Variants in SBF2 observed in about 807,000 individuals in gnomAD.
SBF2 encodes SET binding factor 2, also known as myotubularin-related protein 13.
In SBF2, 112 loss-of-function variants were observed where a neutral mutation model predicts 225.2. The observed-to-expected ratio is 0.50, with a 90% CI of 0.43 to 0.58. The LOEUF (loss-of-function observed/expected upper bound fraction) is 0.58, where lower values mean the gene tolerates loss of function less well. Among genes scored for constraint, SBF2 ranks in the 20% least tolerant of loss-of-function variants. The pLI, the probability that SBF2 is intolerant of heterozygous loss-of-function variation, is 0.00. For missense variants in SBF2, 1,996 were observed against 2,206.2 expected (o/e 0.90, Z 1.91); for synonymous variants, 763 against 773.3 (o/e 0.99, Z 0.22).
intron 2 of SBF2, among the ~76,000 whole-genome samples, chr11:10,178,344 G>A (rs1956563343): frequency 6.7e-6 from 1 of 148,652 alleles, no homozygotes; most frequent in Admixed American, 6.8e-5. Flanking sequence ...TTGACAAATG[G>A]GACCTCATTA....
intron 1 of SBF2, among the ~76,000 whole-genome samples, chr11:10,249,379 T>C (rs548993466): frequency 1.3e-5 from 2 of 152,246 alleles, no homozygotes; most frequent in East Asian, 1.9e-4. Context: ...GAGTGAAATA[T>C]GGCTTTCTCG....
intron 2 of SBF2, among the ~76,000 whole-genome samples, chr11:10,130,047 A>G (rs1336656973): frequency 1.3e-5 from 2 of 151,988 alleles, no homozygotes; most frequent in Admixed American, 1.3e-4. Flanking sequence ...AAGGGACTGG[A>G]AAACTTAAAA....
chr11:10,036,429 T>C lies in SBF2; in HGVS notation c.280-5259A>G, dbSNP rs139223249. Among the ~76,000 whole-genome samples, 936 of 152,244 alleles carry C rather than the reference T, an allele frequency of 6.1e-3. 5 individuals carry two copies. The highest frequency in any genetic ancestry group is 0.02 in the Middle Eastern group (6 of 294). On this transcript the variant is annotated intron_variant, in intron 3 of 39. Transcript: ENST00000256190. ...AGTATACTTAAAAAAAATAAAAGTA[T>C]ACTTTATTCAGAAGATGACTTGCAA...
rs771273917 is a variant in SBF2, at chr11:10,193,981, C to A, written c.62G>T (p.Gly21Val). ...VGYDHEKPGSGEGLGKIIQRF... is the reference protein window; with the variant it reads ...VGYDHEKPGSVEGLGKIIQRF... The stretch of plus-strand genomic sequence containing the variant: ...CTGGATTATTTTCCCCAGACCTTCT[C>A]CTGATCCTGTTAATAAAATCAAAGT... Residue 21 changes from glycine (G) to valine (V), a missense_variant, in exon 2 of 40, where the codon GGA (glycine) becomes GTA (valine). By Grantham distance (109) the Gly-to-Val change is moderately radical. Transcript: ENST00000256190. The A allele has an allele frequency of 5.6e-6, 9 of 1,605,844 alleles. No homozygotes were observed. The highest frequency in any genetic ancestry group is 7.7e-6 in the Non-Finnish European group (9 of 1,172,694).
chr11:9,893,987 T>C (rs942566791), intron 17 of SBF2, among the ~76,000 whole-genome samples: 2 of 152,208 alleles, frequency 1.3e-5, no homozygotes, highest in Non-Finnish European at 2.9e-5. Flanking sequence ...GGCTCACCAC[T>C]GTAATCGCAG....
intron 1 of SBF2, among the ~76,000 whole-genome samples, chr11:10,225,328 C>A (rs545161908): frequency 1.3e-5 from 2 of 150,668 alleles, no homozygotes; most frequent in East Asian, 1.9e-4. Context: ...AAAAAAGACA[C>A]AAGTGGAACA....
chr11:10,056,883 G>A (rs757668647), intron 2 of SBF2, among the ~76,000 whole-genome samples: 2 of 152,170 alleles, frequency 1.3e-5, no homozygotes, highest in African/African-American at 2.4e-5. Context: ...GGGCTGAAAT[G>A]GACCCCAGCA....
intron 2 of SBF2, among the ~76,000 whole-genome samples, chr11:10,186,787 C>G (rs1956948119): frequency 1.3e-5 from 2 of 152,186 alleles, no homozygotes; most frequent in Admixed American, 1.3e-4. Context: ...AACCCAAGAG[C>G]CATCTCACTG....
intron 32 of SBF2, among the ~76,000 whole-genome samples, chr11:9,804,148 A>G (rs1853653034): frequency 6.6e-6 from 1 of 152,190 alleles, no homozygotes; most frequent in African/African-American, 2.4e-5. Context: ...CAAACAAACA[A>G]AAAAACAAAC....
intron 16 of SBF2, among the ~76,000 whole-genome samples, chr11:9,938,267 G>A (rs1865028332): frequency 6.6e-6 from 1 of 151,420 alleles, no homozygotes. Flanking sequence ...CTCCAGCCTG[G>A]GCGACACAGC....
intron 2 of SBF2, among the ~76,000 whole-genome samples, chr11:10,146,104 T>C (rs1954871964): frequency 6.6e-6 from 1 of 152,178 alleles, no homozygotes; most frequent in Non-Finnish European, 1.5e-5. Flanking sequence ...AAACATTCCA[T>C]GCTTATCAGA....
rs368933073 is a variant in SBF2, at chr11:9,852,026, C to T, written c.2610+650G>A. Reference sequence around the variant, plus strand: ...CTGGGCTCAAGTCATCTGCCTGCCTCGGACTGCCAAAGTGTTGGGATTATA... The same window carrying T: ...CTGGGCTCAAGTCATCTGCCTGCCTTGGACTGCCAAAGTGTTGGGATTATA... On this transcript the variant is annotated intron_variant, in intron 21 of 39. Coordinates refer to ENST00000256190, the MANE Select transcript of SBF2 (RefSeq NM_030962.4). Among the ~76,000 whole-genome samples the T allele has an allele frequency of 7.0e-4, 107 of 152,322 alleles. 1 individual carries two copies. The highest frequency in any genetic ancestry group is 1.2e-3 in the African/African-American group (48 of 41,570).
intron 16 of SBF2, among the ~76,000 whole-genome samples, chr11:9,914,046 C>T (rs1217547001): frequency 6.6e-6 from 1 of 152,062 alleles, no homozygotes; most frequent in African/African-American, 2.4e-5. Context: ...ATTTGGCTAT[C>T]AAGATAAAAT....
chr11:9,999,474 C>T (rs1565114276), intron 8 of SBF2, among the ~76,000 whole-genome samples: 1 of 152,124 alleles, frequency 6.6e-6, no homozygotes, highest in African/African-American at 2.4e-5. Context: ...GCATGCACCA[C>T]CACACCCAGC....
In SBF2 at chr11:9,872,954, A is replaced by G. The variant is rs1858898408; in HGVS notation, c.1930-14558T>C. ...TTTTGTAATAAACTGTAATCTTTAT[A>G]TTTCTGAAATGTATACATATATGCC... On this transcript the variant is annotated intron_variant, in intron 17 of 39. Coordinates refer to ENST00000256190, the MANE Select transcript of SBF2 (RefSeq NM_030962.4). Among the ~76,000 whole-genome samples, 2 of 152,140 alleles carry G rather than the reference A, an allele frequency of 1.3e-5. 1 individual carries two copies. Among genetic ancestry groups the G allele is most frequent in the South Asian group, 4.1e-4 (2 of 4,834 alleles).
chr11:10,188,526 T>C (rs1291884012), intron 2 of SBF2, among the ~76,000 whole-genome samples: 1 of 152,138 alleles, frequency 6.6e-6, no homozygotes, highest in Admixed American at 6.5e-5. Flanking sequence ...GTGAAGTACG[T>C]GACTGTAGGG....
At chr11:10,111,192 AAT>A (rs753098541) in intron 2 of SBF2, among the ~76,000 whole-genome samples, 1 of 152,360 alleles carries the variant, frequency 6.6e-6, no homozygotes. Flanking sequence ...AATTTAATAA[AAT>A]ATGATTTTAA....
chr11:10,266,052 G>A (rs985389659), intron 1 of SBF2, among the ~76,000 whole-genome samples: 2 of 151,926 alleles, frequency 1.3e-5, no homozygotes, highest in South Asian at 2.1e-4. Flanking sequence ...GTACTTTTTC[G>A]GCTAGGCAGA....
At chr11:9,842,485 C>T in intron 25 of SBF2, 140 bp downstream of exon 25, 1 of 795,030 alleles carries the variant, frequency 1.3e-6, no homozygotes, top group Admixed American at 2.3e-5. Context: ...TCCCCCAGTT[C>T]TAAGAAGCTG....
Sources: allele counts gnomAD v4.1 joint callset (sites outside exome capture counted in the v4.1 genomes callset), GRCh38; gene constraint gnomAD v4.1.1; transcripts MANE v1.5; gene names NCBI Gene and HGNC (gene_info 2026-07-23, HGNC 2026-07-21).